SLC35F4: variants seen among roughly 807,000 people sequenced by gnomAD.
The protein encoded by SLC35F4 is solute carrier family 35 member F4.
In SLC35F4, 24 loss-of-function variants were observed where a neutral mutation model predicts 44.2. The ratio of observed to expected loss-of-function variants is 0.54; its 90% confidence interval spans 0.39 to 0.76. The LOEUF is 0.76. Among genes scored for constraint, SLC35F4 ranks in the 30% least tolerant of loss-of-function variants. The probability of loss-of-function intolerance (pLI) is 0.00; values close to 1 mark genes in which losing one functional copy is unlikely to be tolerated. For synonymous variants in SLC35F4, 238 were observed against 223.6 expected (o/e 1.06, Z -0.57); for missense variants, 562 against 586.1 (o/e 0.96, Z 0.42).
chr14:57,667,349 T>G (rs1302787629), intron 1 of SLC35F4, among the ~76,000 whole-genome samples: 1 of 151,618 alleles, frequency 6.6e-6, no homozygotes, highest in Non-Finnish European at 1.5e-5. Context: ...TTATTTATTT[T>G]TACTGTACTT....
At chr14:57,954,239 A>G (rs1890196034) in intron 1 of SLC35F4, among the ~76,000 whole-genome samples, 1 of 152,220 alleles carries the variant, frequency 6.6e-6, no homozygotes, top group Non-Finnish European at 1.5e-5. Context: ...GAGAACAAAG[A>G]CACAACATAC....
Position 57,564,240 on chromosome 14 carries a change from C to G in SLC35F4, c.1353G>C (p.Leu451=). ...CATGCTCCTCACTCTTCTTTTCCTT[C>G]AGGCTGTTGATGAACCTCAGGGTGA... is the stretch of plus-strand genomic sequence containing the variant. ...DEITLRFINS[L]KEKKSEEHVD... Residue 451 remains leucine, a synonymous_variant, in exon 8 of 8, where the codon CTG becomes CTC. Coordinates refer to ENST00000556826, the MANE Select transcript of SLC35F4 (RefSeq NM_001306087.2). The G allele has an allele frequency of 6.2e-7, 1 of 1,613,456 alleles. No homozygotes were observed. The highest frequency in any genetic ancestry group is 8.5e-7 in the Non-Finnish European group (1 of 1,179,748).
At chr14:57,612,517 T>C (rs1317536628) in intron 1 of SLC35F4, among the ~76,000 whole-genome samples, 1 of 152,216 alleles carries the variant, frequency 6.6e-6, no homozygotes, top group East Asian at 1.9e-4. Context: ...GCACTTAACC[T>C]AACCACACCA....
intron 1 of SLC35F4, among the ~76,000 whole-genome samples, chr14:57,759,142 T>C (rs1449974953): frequency 1.3e-5 from 2 of 152,182 alleles, no homozygotes; most frequent in Admixed American, 6.5e-5. Flanking sequence ...TGATGGACAT[T>C]TAGATTGCTT....
At chr14:57,904,045 G>A (rs1016248241) in intron 1 of SLC35F4, among the ~76,000 whole-genome samples, 12 of 152,216 alleles carry the variant, frequency 7.9e-5, no homozygotes, top group Non-Finnish European at 1.5e-4. Context: ...TTGGGAAAGT[G>A]GAATCACTCA....
chr14:57,655,651 C>T (rs1486726209), intron 1 of SLC35F4, among the ~76,000 whole-genome samples: 1 of 152,104 alleles, frequency 6.6e-6, no homozygotes, highest in Non-Finnish European at 1.5e-5. Flanking sequence ...CCTTCTAGGC[C>T]TCATAGTGCC....
intron 1 of SLC35F4, among the ~76,000 whole-genome samples, chr14:57,743,258 C>A (rs566133188): frequency 4.6e-5 from 7 of 152,056 alleles, no homozygotes; most frequent in Admixed American, 4.6e-4. Context: ...CATAAAAAAA[C>A]CCTTCAAAAA....
At chr14:57,777,547 T>C (rs764758672) in intron 1 of SLC35F4, among the ~76,000 whole-genome samples, 1 of 152,012 alleles carries the variant, frequency 6.6e-6, no homozygotes, top group Non-Finnish European at 1.5e-5. Context: ...AAACACTGCA[T>C]GTTCTCACTC....
chr14:57,700,426 C>A, intron 1 of SLC35F4, among the ~76,000 whole-genome samples: 1 of 152,292 alleles, frequency 6.6e-6, no homozygotes, highest in East Asian at 1.9e-4. Context: ...TAGGACATTA[C>A]TGTACACTAC....
chr14:57,976,450 A>T (rs1881221706), downstream of SLC35F4, among the ~76,000 whole-genome samples: 1 of 152,222 alleles, frequency 6.6e-6, no homozygotes, highest in Admixed American at 6.5e-5. Context: ...TAACAGGAAG[A>T]GTTAGGTGGA....
chr14:57,750,979 G>A (rs918677398), intron 1 of SLC35F4, among the ~76,000 whole-genome samples: 9 of 152,000 alleles, frequency 5.9e-5, no homozygotes, highest in South Asian at 2.1e-4. Flanking sequence ...TGTCTCACCC[G>A]CCCAGTCTCC....
At chr14:57,646,769 AT>A (rs1398560584) in intron 1 of SLC35F4, among the ~76,000 whole-genome samples, 9 of 152,048 alleles carry the variant, frequency 5.9e-5, no homozygotes. Context: ...AGTGCTATAA[AT>A]TTTCCTCTAC....
chr14:57,853,367 TA>T (rs1286505122), intron 1 of SLC35F4, among the ~76,000 whole-genome samples: 2 of 152,194 alleles, frequency 1.3e-5, no homozygotes, highest in South Asian at 4.1e-4. Flanking sequence ...TAATTTGATA[TA>T]AAAAATGCAA....
chr14:57,853,982 A>G (rs1886838005), intron 1 of SLC35F4, among the ~76,000 whole-genome samples: 2 of 152,198 alleles, frequency 1.3e-5, no homozygotes, highest in South Asian at 4.1e-4. Context: ...TCCATTTTAC[A>G]TAGTCTCAAA....
intron 1 of SLC35F4, among the ~76,000 whole-genome samples, chr14:57,721,843 T>A (rs2076092415): frequency 6.6e-6 from 1 of 152,154 alleles, no homozygotes; most frequent in African/African-American, 2.4e-5. Context: ...CCTTTCCACC[T>A]TTATCTGAGG....
At chr14:57,914,267 A>T (rs1889273358) in intron 1 of SLC35F4, among the ~76,000 whole-genome samples, 1 of 152,178 alleles carries the variant, frequency 6.6e-6, no homozygotes, top group Non-Finnish European at 1.5e-5. Flanking sequence ...TTGCTTTTAT[A>T]AAAAACCCAG....
chr14:57,724,652 T>TC (rs1167168376), intron 1 of SLC35F4, among the ~76,000 whole-genome samples: 5 of 152,128 alleles, frequency 3.3e-5, no homozygotes, highest in East Asian at 1.9e-4. Flanking sequence ...TCCTGCATTC[T>TC]CCCCCCCAGC....
chr14:57,690,239 T>C (rs1251107414), intron 1 of SLC35F4, among the ~76,000 whole-genome samples: 2 of 152,194 alleles, frequency 1.3e-5, no homozygotes, highest in Non-Finnish European at 2.9e-5. Flanking sequence ...ATTGAGCACC[T>C]ACTGTGTGCT....
At chr14:57,729,745 C>T (rs1014087617) in intron 1 of SLC35F4, among the ~76,000 whole-genome samples, 5 of 152,206 alleles carry the variant, frequency 3.3e-5, no homozygotes, top group Non-Finnish European at 7.3e-5. Context: ...TGCTAGTTCA[C>T]TGACTCTAAG....
Sources: allele counts gnomAD v4.1 joint callset (sites outside exome capture counted in the v4.1 genomes callset), GRCh38; gene constraint gnomAD v4.1.1; transcripts MANE v1.5; gene names NCBI Gene and HGNC (gene_info 2026-07-23, HGNC 2026-07-21).